The following CEP63 variants were observed in gnomAD, a reference collection of about 807,000 sequenced individuals.
The protein encoded by CEP63 is centrosomal protein of 63 kDa.
In CEP63, 84 loss-of-function variants were observed where a neutral mutation model predicts 89.1. That is an observed-to-expected ratio of 0.94 (90% CI 0.79 to 1.13). The LOEUF (loss-of-function observed/expected upper bound fraction) is 1.13. CEP63 is among the 50% of genes most tolerant of loss of function. The pLI is 0.00. For missense variants in CEP63, 838 were observed against 813.3 expected, an observed-to-expected ratio of 1.03 and a Z score of -0.37; for synonymous variants, 267 against 272.5, an observed-to-expected ratio of 0.98 and a Z score of 0.20.
At chr3:134,671,767 C>G in the CEP63 span, among the ~76,000 whole-genome samples, 1 of 152,146 alleles carries the variant, frequency 6.6e-6, no homozygotes, top group South Asian at 2.1e-4. Context: ...TGGGGGTGGC[C>G]TGAATGAATG....
chr3:134,519,016 A>G (rs921501710), intron 3 of CEP63, among the ~76,000 whole-genome samples: 5 of 151,924 alleles, frequency 3.3e-5, no homozygotes, highest in Admixed American at 2.6e-4. Context: ...ATGAATGACC[A>G]TGTACCCACC....
At chr3:134,512,398 A>T (rs1438905355) in intron 3 of CEP63, among the ~76,000 whole-genome samples, 1 of 152,228 alleles carries the variant, frequency 6.6e-6, no homozygotes, top group African/African-American at 2.4e-5. Context: ...TTGTGAAATG[A>T]GTAAGAAATT....
chr3:134,647,440 A>G, the CEP63 span: 51 of 1,608,506 alleles, frequency 3.2e-5, no homozygotes, highest in Middle Eastern at 1.6e-4. Flanking sequence ...TTTACCGTGA[A>G]AGTCATTTCC....
the CEP63 span, among the ~76,000 whole-genome samples, chr3:134,609,970 G>A: frequency 1.3e-5 from 2 of 152,226 alleles, no homozygotes; most frequent in African/African-American, 4.8e-5. Flanking sequence ...GTTATAGGGA[G>A]TCAGAGTGGG....
the CEP63 span, chr3:134,779,909 A>G: frequency 6.6e-6 from 1 of 152,216 alleles, no homozygotes; most frequent in East Asian, 1.9e-4. Flanking sequence ...TAAGCCATTT[A>G]TTGTTAGTAT....
intron 1 of CEP63, among the ~76,000 whole-genome samples, chr3:134,490,363 A>G (rs946356541): frequency 9.9e-5 from 15 of 152,012 alleles, no homozygotes; most frequent in African/African-American, 3.4e-4. Flanking sequence ...CCTATGTTAT[A>G]TATAATGGTT....
chr3:134,581,975 G>C (rs1402896390), intron 10 of CEP63, among the ~76,000 whole-genome samples: 3 of 151,820 alleles, frequency 2.0e-5, no homozygotes, highest in Non-Finnish European at 2.9e-5. Flanking sequence ...GCGCCCGGCC[G>C]AAAACATTTT....
At chr3:134,599,420 A>G in the CEP63 span, among the ~76,000 whole-genome samples, 1 of 152,204 alleles carries the variant, frequency 6.6e-6, no homozygotes, top group Middle Eastern at 3.2e-3. Flanking sequence ...AATGGTCTCC[A>G]TGGTTACAGC....
At chr3:134,721,764 G>A in the CEP63 span, among the ~76,000 whole-genome samples, 3 of 152,020 alleles carry the variant, frequency 2.0e-5, no homozygotes, top group Non-Finnish European at 4.4e-5. Context: ...TTAATGTGAT[G>A]TCATATATTA....
the CEP63 span, among the ~76,000 whole-genome samples, chr3:134,740,873 G>A: frequency 6.6e-5 from 10 of 152,162 alleles, no homozygotes; most frequent in Non-Finnish European, 1.5e-4. Context: ...CAGCAATGGA[G>A]GTGTGTACAC....
the CEP63 span, among the ~76,000 whole-genome samples, chr3:134,738,646 A>C: frequency 6.6e-6 from 1 of 152,172 alleles, no homozygotes; most frequent in East Asian, 1.9e-4. Flanking sequence ...AAGGGATAAA[A>C]GACTACAAAT....
chr3:134,498,954 G>C (rs1329658852), intron 2 of CEP63, among the ~76,000 whole-genome samples: 2 of 152,154 alleles, frequency 1.3e-5, no homozygotes, highest in Admixed American at 1.3e-4. Flanking sequence ...TTTTGTTGAA[G>C]ATTTTTGCAT....
chr3:134,718,397 C>G, the CEP63 span, among the ~76,000 whole-genome samples: 1 of 152,174 alleles, frequency 6.6e-6, no homozygotes, highest in Admixed American at 6.5e-5. Context: ...GTTAAGTGAG[C>G]AAATAAACTT....
At chr3:134,746,036 G>A in the CEP63 span, among the ~76,000 whole-genome samples, 3 of 149,756 alleles carry the variant, frequency 2.0e-5, no homozygotes, top group Non-Finnish European at 4.4e-5. Context: ...ATTTACATTA[G>A]GTATTTCTCC....
rs766435188 is a variant in CEP63 at position 134,551,923 on chromosome 3, CAGG to C, written c.1381_1383del (p.Glu461del). On this transcript the variant is annotated splice_acceptor_variant and coding_sequence_variant, in exon 12 of 15. Coordinates refer to ENST00000675561, the MANE Select transcript of CEP63 (RefSeq NM_001353108.3). LOFTEE classifies it high-confidence loss of function. ...TTATTTTTTTCTGTTTTCCCCTTTT[CAGG>C]AGATTTTGGATCAGCTGGAGTCACT... 6.4e-5 allele frequency: 102 copies of C among 1,597,794 alleles called. No homozygotes were observed. In the African/African-American group the frequency reaches 1.1e-3, roughly 17 times the overall value.
chr3:134,608,123 T>G, the CEP63 span: 1 of 1,132,234 alleles, frequency 8.8e-7, no homozygotes. Flanking sequence ...TCCTTGCTGG[T>G]TGGACCACCA....
the CEP63 span, among the ~76,000 whole-genome samples, chr3:134,743,783 C>T: frequency 6.6e-6 from 1 of 152,148 alleles, no homozygotes; most frequent in African/African-American, 2.4e-5. Context: ...GAACAATGTC[C>T]TCCCAAAAAA....
At chr3:134,638,113 C>G in the CEP63 span, among the ~76,000 whole-genome samples, 13 of 152,190 alleles carry the variant, frequency 8.5e-5, no homozygotes, top group Non-Finnish European at 1.9e-4. Flanking sequence ...GAGTGTGATT[C>G]CTGCTCTCAC....
At chr3:134,745,919 CT>C in the CEP63 span, among the ~76,000 whole-genome samples, 866 of 137,590 alleles carry the variant, frequency 6.3e-3, 6 homozygotes, top group African/African-American at 0.02. Context: ...ATTTTCTTTT[CT>C]TTTTTTTTTA....
Sources: gnomAD v4.1 joint callset for allele counts (sites outside exome capture counted in the v4.1 genomes callset) on GRCh38, gnomAD v4.1.1 for gene constraint, MANE v1.5 for transcripts, NCBI Gene and HGNC (gene_info 2026-07-23, HGNC 2026-07-21) for gene names.